The following CSMD1 variants were observed in gnomAD, a reference collection of about 807,000 sequenced individuals.
CSMD1 encodes the protein CUB and sushi domain-containing protein 1.
CSMD1 carries 213 observed loss-of-function variants against 417.5 expected under a neutral mutation model. The ratio of observed to expected loss-of-function variants is 0.51; its 90% confidence interval spans 0.46 to 0.57. CSMD1 has a LOEUF of 0.57. CSMD1 is among the 20% of genes least tolerant of loss of function. The pLI is 0.00. For synonymous variants in CSMD1, 2,862 were observed against 1,736.8 expected, an observed-to-expected ratio of 1.65 and a Z score of -16.11; for missense variants, 6,923 against 4,529.7, an observed-to-expected ratio of 1.53 and a Z score of -15.17.
intron 3 of CSMD1, among the ~76,000 whole-genome samples, chr8:4,099,074 C>G (rs1286634601): frequency 1.3e-5 from 2 of 152,066 alleles, no homozygotes; most frequent in Non-Finnish European, 2.9e-5. Flanking sequence ...CTTCTTCATT[C>G]TAGACATTAT....
intron 1 of CSMD1, among the ~76,000 whole-genome samples, chr8:4,824,212 G>C (rs75115180): frequency 0.057 from 8,664 of 152,014 alleles, 305 homozygotes; most frequent in African/African-American, 0.098. Context: ...CCTATAACAT[G>C]TAATGTTATA....
intron 12 of CSMD1, among the ~76,000 whole-genome samples, chr8:3,454,069 G>A (rs1053952258): frequency 4.6e-5 from 7 of 152,000 alleles, no homozygotes; most frequent in African/African-American, 1.7e-4. Context: ...TTATGTAATG[G>A]CCTTCTTTGT....
intron 3 of CSMD1, among the ~76,000 whole-genome samples, chr8:4,358,485 G>C (rs1241893654): frequency 6.6e-6 from 1 of 152,200 alleles, no homozygotes; most frequent in East Asian, 1.9e-4. Flanking sequence ...TTTCCACAAG[G>C]TGTATGTCTC....
chr8:3,972,122 G>T (rs1585056057), intron 5 of CSMD1, among the ~76,000 whole-genome samples: 2 of 152,160 alleles, frequency 1.3e-5, no homozygotes, highest in African/African-American at 2.4e-5. Flanking sequence ...CCTCCTGCCT[G>T]GGACGGCGAA....
intron 67 of CSMD1, 58 bp downstream of exon 67, chr8:2,950,173 G>T: frequency 8.7e-7 from 1 of 1,152,728 alleles, no homozygotes; most frequent in Non-Finnish European, 1.3e-6. Flanking sequence ...CCTTGCATCT[G>T]CACAGAGAGA....
At chr8:3,234,458 G>T (rs1417746988) in intron 26 of CSMD1, among the ~76,000 whole-genome samples, 1 of 152,066 alleles carries the variant, frequency 6.6e-6, no homozygotes, top group Non-Finnish European at 1.5e-5. Context: ...TTGAACAGGG[G>T]AATCTCACTT....
At chr8:4,070,055 T>A (rs1799464712) in intron 3 of CSMD1, among the ~76,000 whole-genome samples, 1 of 152,148 alleles carries the variant, frequency 6.6e-6, no homozygotes, top group Admixed American at 6.5e-5. Flanking sequence ...TTAACTATAC[T>A]TTTCGCAGTG....
chr8:4,019,934 C>A (rs972385661), intron 4 of CSMD1, among the ~76,000 whole-genome samples: 3 of 144,736 alleles, frequency 2.1e-5, no homozygotes, highest in Admixed American at 6.9e-5. Context: ...AAAAAAAACC[C>A]TTTTTTTTAA....
chr8:4,800,571 C>G (rs1004943549), intron 1 of CSMD1, among the ~76,000 whole-genome samples: 1 of 152,150 alleles, frequency 6.6e-6, no homozygotes, highest in Admixed American at 6.5e-5. Flanking sequence ...AGACCTCAGA[C>G]CGTCAGAGGC....
intron 2 of CSMD1, among the ~76,000 whole-genome samples, chr8:4,518,713 T>A (rs1027336668): frequency 2.0e-5 from 3 of 151,942 alleles, no homozygotes; most frequent in Non-Finnish European, 4.4e-5. Flanking sequence ...CATGTATACA[T>A]ATGTAACTAA....
intron 3 of CSMD1, among the ~76,000 whole-genome samples, chr8:4,083,670 C>T (rs558291302): frequency 4.6e-5 from 7 of 152,244 alleles, no homozygotes; most frequent in East Asian, 1.9e-4. Context: ...CCCTTCCTTA[C>T]ACCTTATACA....
At chr8:2,954,501 T>C (rs1802861890) in intron 64 of CSMD1, among the ~76,000 whole-genome samples, 1 of 152,134 alleles carries the variant, frequency 6.6e-6, no homozygotes, top group Non-Finnish European at 1.5e-5. Context: ...TCTACGTATA[T>C]TTCCATTTAA....
chr8:4,397,692 TTAA>T (rs1297931105), intron 3 of CSMD1, among the ~76,000 whole-genome samples: 4 of 152,032 alleles, frequency 2.6e-5, no homozygotes, highest in African/African-American at 9.7e-5. Flanking sequence ...GAAATAGATA[TTAA>T]TAAGATTTCA....
intron 5 of CSMD1, among the ~76,000 whole-genome samples, chr8:3,876,756 T>A (rs929556008): frequency 1.3e-5 from 2 of 152,248 alleles, no homozygotes; most frequent in African/African-American, 4.8e-5. Flanking sequence ...AGCACAGGCA[T>A]AGGCCACCAG....
intron 2 of CSMD1, among the ~76,000 whole-genome samples, chr8:4,551,169 C>G (rs566705251): frequency 1.2e-4 from 18 of 152,246 alleles, no homozygotes; most frequent in African/African-American, 4.1e-4. Context: ...TGTATCTTAC[C>G]TTCCACGGAC....
At chr8:3,509,642 T>C (rs1349744755) in intron 10 of CSMD1, among the ~76,000 whole-genome samples, 2 of 152,230 alleles carry the variant, frequency 1.3e-5, no homozygotes, top group Non-Finnish European at 2.9e-5. Context: ...GAAGAAGCTA[T>C]AAGATATCAT....
chr8:3,146,904 G>C (rs572092133), intron 40 of CSMD1, among the ~76,000 whole-genome samples: 66 of 152,298 alleles, frequency 4.3e-4, no homozygotes, highest in Middle Eastern at 3.4e-3. Flanking sequence ...TCCTGGATTA[G>C]ACAATCGATC....
chr8:4,286,253 G>T (rs191432777), intron 3 of CSMD1, among the ~76,000 whole-genome samples: 1 of 152,206 alleles, frequency 6.6e-6, no homozygotes, highest in Admixed American at 6.5e-5. Context: ...TCTCCGCCAT[G>T]CTCTCCATGT....
At chr8:4,018,265 G>A (rs893621204) in intron 4 of CSMD1, among the ~76,000 whole-genome samples, 3 of 151,888 alleles carry the variant, frequency 2.0e-5, no homozygotes, top group Admixed American at 1.3e-4. Context: ...TGGTATTATG[G>A]TGTTTGAGAG....
Sources: allele counts gnomAD v4.1 joint callset (sites outside exome capture counted in the v4.1 genomes callset), GRCh38; gene constraint gnomAD v4.1.1; transcripts MANE v1.5; gene names NCBI Gene and HGNC (gene_info 2026-07-23, HGNC 2026-07-21).